The following UNC5D variants were observed in gnomAD, a reference collection of about 807,000 sequenced individuals.
UNC5D encodes unc-5 netrin receptor D.
A neutral mutation model predicts 105.4 loss-of-function variants in UNC5D; 39 were observed. The ratio of observed to expected loss-of-function variants is 0.37; its 90% CI spans 0.29 to 0.48. The LOEUF (loss-of-function observed/expected upper bound fraction) is 0.48. Ranked by LOEUF, UNC5D falls within the 20% of genes least tolerant of loss-of-function variation. The pLI is 0.98. For synonymous variants in UNC5D, 452 were observed against 450.4 expected (o/e 1.00, Z -0.04); for missense variants, 991 against 1,202.4 (o/e 0.82, Z 2.60).
At position 35,544,881 on chromosome 8, in the gene UNC5D, GCA is replaced by G. The variant is rs1388681636; in HGVS notation, c.104-4410_104-4409del. Among the ~76,000 whole-genome samples, 3 of 152,262 alleles carry G rather than the reference GCA, an allele frequency of 2.0e-5. No individual in the cohort carries two copies. In the East Asian group the frequency reaches 5.8e-4, roughly 29 times the overall value. On this transcript the variant is annotated intron_variant, in intron 1 of 16. Coordinates refer to ENST00000404895, the MANE Select transcript of UNC5D (RefSeq NM_080872.4). Reference sequence around the variant, plus strand: ...GCCTCCCAGAGTGCTGGGATTACAGGCATGAGCCACAGCACCTGGTCACACCT... The same window carrying G: ...GCCTCCCAGAGTGCTGGGATTACAGGTGAGCCACAGCACCTGGTCACACCT...
At chr8:35,489,211 T>C (rs947353061) in intron 1 of UNC5D, among the ~76,000 whole-genome samples, 1 of 151,994 alleles carries the variant, frequency 6.6e-6, no homozygotes, top group Non-Finnish European at 1.5e-5. Context: ...TTTCACTATT[T>C]TAGCCAGGCT....
intron 1 of UNC5D, among the ~76,000 whole-genome samples, chr8:35,461,265 T>C (rs1262591581): frequency 6.6e-6 from 1 of 152,208 alleles, no homozygotes; most frequent in Non-Finnish European, 1.5e-5. Context: ...TCATATCCAT[T>C]GTTTCTGTTG....
At chr8:35,633,641 G>C (rs915866529) in intron 4 of UNC5D, among the ~76,000 whole-genome samples, 2 of 152,056 alleles carry the variant, frequency 1.3e-5, no homozygotes, top group African/African-American at 4.8e-5. Context: ...TGTAATCCTA[G>C]CTACTTGGGA....
chr8:35,728,095 A>ATATATATATATATATATATAT (rs1554596594), intron 10 of UNC5D, among the ~76,000 whole-genome samples: 2 of 110,360 alleles, frequency 1.8e-5, no homozygotes, highest in African/African-American at 1.1e-4. Flanking sequence ...AAAAAAAAAA[A>ATATATATATATATATATATAT]ATATATATAT....
chr8:35,705,899 ACTTT>A (rs779244622), intron 7 of UNC5D, 26 bp from the exon 8 acceptor site: 41 of 1,306,478 alleles, frequency 3.1e-5, no homozygotes, highest in Middle Eastern at 3.9e-4. Context: ...ATTAAATGCA[ACTTT>A]CTTTTTCTTT....
chr8:35,334,152 G>C (rs1055476748), intron 1 of UNC5D, among the ~76,000 whole-genome samples: 35 of 152,110 alleles, frequency 2.3e-4, no homozygotes, highest in Admixed American at 2.2e-3. Flanking sequence ...CAGATTAAAA[G>C]AATAGATGAG....
chr8:35,467,790 A>G (rs1023617625), intron 1 of UNC5D, among the ~76,000 whole-genome samples: 3 of 152,134 alleles, frequency 2.0e-5, no homozygotes, highest in African/African-American at 7.2e-5. Flanking sequence ...TCTTCCAACA[A>G]GAGCTGTGTA....
At chr8:35,614,300 C>T (rs72634955) in intron 4 of UNC5D, among the ~76,000 whole-genome samples, 2 of 152,098 alleles carry the variant, frequency 1.3e-5, no homozygotes, top group Non-Finnish European at 2.9e-5. Context: ...TGTGTTTAAC[C>T]TCAATCAAAC....
chr8:35,309,221 G>T (rs1422618704), intron 1 of UNC5D, among the ~76,000 whole-genome samples: 1 of 152,126 alleles, frequency 6.6e-6, no homozygotes, highest in Non-Finnish European at 1.5e-5. Context: ...CTGGGAAACT[G>T]AAGTGTGACT....
intron 1 of UNC5D, among the ~76,000 whole-genome samples, chr8:35,247,549 A>G (rs1440398588): frequency 8.3e-6 from 1 of 120,760 alleles, no homozygotes; most frequent in African/African-American, 3.2e-5. Context: ...TAAAATATAT[A>G]AAATATATAT....
intron 1 of UNC5D, among the ~76,000 whole-genome samples, chr8:35,523,559 C>G: frequency 7.1e-6 from 1 of 141,778 alleles, no homozygotes; most frequent in Admixed American, 7.2e-5. Context: ...TTTGTATCCT[C>G]TGAAATTAGT....
At chr8:35,608,187 T>G (rs1003681329) in intron 4 of UNC5D, among the ~76,000 whole-genome samples, 1 of 152,204 alleles carries the variant, frequency 6.6e-6, no homozygotes, top group African/African-American at 2.4e-5. Flanking sequence ...CTTTTTTATT[T>G]TAAAAATGTA....
chr8:35,555,748 C>T (rs910457225), intron 2 of UNC5D, among the ~76,000 whole-genome samples: 62 of 151,788 alleles, frequency 4.1e-4, no homozygotes, highest in African/African-American at 1.5e-3. Flanking sequence ...ATCACTTGAA[C>T]CCGAAAGGTA....
At chr8:35,714,515 G>T (rs1462657674) in intron 8 of UNC5D, among the ~76,000 whole-genome samples, 1 of 152,130 alleles carries the variant, frequency 6.6e-6, no homozygotes, top group East Asian at 1.9e-4. Flanking sequence ...AGAGGAAAAA[G>T]GGCCAAGAAC....
At chr8:35,257,163 G>T (rs1804141750) in intron 1 of UNC5D, among the ~76,000 whole-genome samples, 1 of 151,818 alleles carries the variant, frequency 6.6e-6, no homozygotes, top group Non-Finnish European at 1.5e-5. Context: ...GTAGAGACGG[G>T]GTTTCACCAT....
intron 4 of UNC5D, among the ~76,000 whole-genome samples, chr8:35,651,238 C>T (rs533693798): frequency 6.6e-6 from 1 of 152,166 alleles, no homozygotes; most frequent in Admixed American, 6.5e-5. Flanking sequence ...TTCCCTGGGG[C>T]CAGTCCAGAC....
rs1824064135 is a variant in UNC5D, at chr8:35,660,897, G to A, written c.571-22650G>A. Among the ~76,000 whole-genome samples, 2 of 152,008 alleles carry A rather than the reference G, an allele frequency of 1.3e-5. 1 individual carries two copies. Among genetic ancestry groups the A allele is most frequent in the Admixed American group, 1.3e-4 (2 of 15,250 alleles). On this transcript the variant is annotated intron_variant, in intron 4 of 16. Coordinates refer to ENST00000404895, the MANE Select transcript of UNC5D (RefSeq NM_080872.4). ...TCCAGACTCCAAGAGATCAAGACCAGCCTGGGTAACATAGTGAGACCCCTT... is the reference window on the plus strand; with the variant it reads ...TCCAGACTCCAAGAGATCAAGACCAACCTGGGTAACATAGTGAGACCCCTT...
At chr8:35,416,410 A>G (rs1048197057) in intron 1 of UNC5D, among the ~76,000 whole-genome samples, 2 of 152,196 alleles carry the variant, frequency 1.3e-5, no homozygotes, top group African/African-American at 4.8e-5. Context: ...ATACTTAAAA[A>G]ATGACTAATT....
At chr8:35,696,655 C>T (rs1342139059) in intron 7 of UNC5D, among the ~76,000 whole-genome samples, 3 of 152,068 alleles carry the variant, frequency 2.0e-5, no homozygotes, top group Non-Finnish European at 4.4e-5. Flanking sequence ...ATAAAGGAAA[C>T]CTCTTTGTTT....
Sources: allele counts gnomAD v4.1 joint callset (sites outside exome capture counted in the v4.1 genomes callset), GRCh38; gene constraint gnomAD v4.1.1; transcripts MANE v1.5; gene names NCBI Gene and HGNC (gene_info 2026-07-23, HGNC 2026-07-21).